Variants in TMCC1 observed in about 807,000 individuals in gnomAD.
TMCC1 encodes the protein transmembrane and coiled-coil domains protein 1.
A neutral mutation model predicts 52.4 loss-of-function variants in TMCC1; 15 were observed. That is an observed-to-expected ratio of 0.29 (90% confidence interval 0.19 to 0.44). TMCC1 has a LOEUF of 0.44. Ranked by LOEUF, TMCC1 falls within the 20% of genes least tolerant of loss-of-function variation. The probability of loss-of-function intolerance (pLI) is 1.00; values close to 1 mark genes in which losing one functional copy is unlikely to be tolerated. For missense variants in TMCC1, 503 were observed against 806.0 expected (o/e 0.62, Z 4.55); for synonymous variants, 279 against 301.9 (o/e 0.92, Z 0.79).
chr3:129,733,745 C>T (rs1446255545), intron 4 of TMCC1, among the ~76,000 whole-genome samples: 1 of 152,098 alleles, frequency 6.6e-6, no homozygotes, highest in Admixed American at 6.6e-5. Context: ...AGCCTACCAA[C>T]CTGTTTGTAT....
chr3:129,839,489 G>A (rs1195566801), intron 2 of TMCC1, among the ~76,000 whole-genome samples: 3 of 152,084 alleles, frequency 2.0e-5, no homozygotes, highest in African/African-American at 2.4e-5. Flanking sequence ...CCACACAGGC[G>A]CATGCCTATA....
intron 1 of TMCC1, among the ~76,000 whole-genome samples, chr3:129,887,363 G>A (rs746743166): frequency 2.4e-4 from 37 of 152,048 alleles, no homozygotes; most frequent in Admixed American, 5.9e-4. Flanking sequence ...CCAACATGGG[G>A]GAATCCCGTC....
intron 2 of TMCC1, among the ~76,000 whole-genome samples, chr3:129,846,329 G>A (rs2059662773): frequency 6.6e-6 from 1 of 152,070 alleles, no homozygotes. Flanking sequence ...GAGGCTGCAG[G>A]GAGCTATTAT....
At chr3:129,860,114 C>T (rs934293750) in intron 2 of TMCC1, among the ~76,000 whole-genome samples, 5 of 152,260 alleles carry the variant, frequency 3.3e-5, no homozygotes, top group African/African-American at 4.8e-5. Flanking sequence ...TATGTTAAAG[C>T]GTTCAATATT....
chr3:129,795,551 A>G (rs1332242913), intron 4 of TMCC1, among the ~76,000 whole-genome samples: 1 of 152,202 alleles, frequency 6.6e-6, no homozygotes, highest in Non-Finnish European at 1.5e-5. Flanking sequence ...TGAACCTACT[A>G]TGTGCAGTCA....
At chr3:129,876,713 T>G (rs188699716) in intron 2 of TMCC1, among the ~76,000 whole-genome samples, 158 of 152,104 alleles carry the variant, frequency 1.0e-3, no homozygotes, top group African/African-American at 3.4e-3. Flanking sequence ...CCAGCACTTT[T>G]GGAGGCTGAG....
At chr3:129,680,469 G>A (rs2088870135) in intron 4 of TMCC1, among the ~76,000 whole-genome samples, 1 of 152,192 alleles carries the variant, frequency 6.6e-6, no homozygotes, top group Non-Finnish European at 1.5e-5. Flanking sequence ...AGGTCACATA[G>A]CCAATAAGCA....
At chr3:129,708,355 A>G (rs1254732920) in intron 4 of TMCC1, among the ~76,000 whole-genome samples, 1 of 152,202 alleles carries the variant, frequency 6.6e-6, no homozygotes, top group South Asian at 2.1e-4. Flanking sequence ...ACTGCAATGT[A>G]ACAAGAGCTT....
At chr3:129,872,130 G>A (rs2060960008) in intron 2 of TMCC1, among the ~76,000 whole-genome samples, 1 of 152,220 alleles carries the variant, frequency 6.6e-6, no homozygotes, top group Non-Finnish European at 1.5e-5. Flanking sequence ...AACAGCAAAA[G>A]TGCTAGCCAC....
chr3:129,890,744 G>A (rs557174001), intron 1 of TMCC1, among the ~76,000 whole-genome samples: 2 of 152,086 alleles, frequency 1.3e-5, no homozygotes, highest in African/African-American at 4.8e-5. Flanking sequence ...TTTCATATTC[G>A]TAAGAATTTT....
At chr3:129,811,744 G>A (rs1043694622) in intron 4 of TMCC1, among the ~76,000 whole-genome samples, 1 of 151,858 alleles carries the variant, frequency 6.6e-6, no homozygotes, top group Admixed American at 6.6e-5. Context: ...AGGGGTTCGA[G>A]CCCAGCCTGG....
intron 4 of TMCC1, chr3:129,688,696 G>A (rs2108942819): frequency 6.1e-6 from 6 of 985,444 alleles, no homozygotes; most frequent in South Asian, 4.7e-5. Flanking sequence ...CCGTGTGTGT[G>A]CGCGCGCACG....
At chr3:129,742,439 C>T (rs1576651766) in intron 4 of TMCC1, among the ~76,000 whole-genome samples, 1 of 152,048 alleles carries the variant, frequency 6.6e-6, no homozygotes. Flanking sequence ...AAGATGATTA[C>T]AAATGGCCAA....
intron 2 of TMCC1, among the ~76,000 whole-genome samples, chr3:129,855,636 C>G (rs2060117490): frequency 6.6e-6 from 1 of 152,128 alleles, no homozygotes. Flanking sequence ...TCACAAAATT[C>G]TTGGATAGCT....
rs547769529 is a variant in TMCC1 at position 129,799,626 on chromosome 3, C to T, written c.576+28177G>A. Among the ~76,000 whole-genome samples, 6 of 152,102 alleles carry T rather than the reference C, an allele frequency of 3.9e-5. No homozygotes were observed. In the East Asian group the frequency reaches 5.8e-4, roughly 15 times the overall value. On this transcript the variant is annotated intron_variant, in intron 4 of 6. Coordinates refer to ENST00000393238, the MANE Select transcript of TMCC1 (RefSeq NM_001017395.5). ...GAGATCGAGACCATCCTGGCTAAAA[C>T]GGTGAAACCTCATCTCTACTAAAAA... is the stretch of plus-strand genomic sequence containing the variant.
At chr3:129,773,980 C>G (rs944731550) in intron 4 of TMCC1, among the ~76,000 whole-genome samples, 1 of 152,056 alleles carries the variant, frequency 6.6e-6, no homozygotes, top group Non-Finnish European at 1.5e-5. Flanking sequence ...TATTGTATAC[C>G]TTAAAGACAA....
intron 4 of TMCC1, among the ~76,000 whole-genome samples, chr3:129,748,304 T>C (rs1467325689): frequency 2.0e-5 from 3 of 152,168 alleles, no homozygotes; most frequent in African/African-American, 4.8e-5. Context: ...GTTGTTGTTG[T>C]TGTTTTGAGA....
chr3:129,797,394 C>T (rs1357034087), intron 4 of TMCC1, among the ~76,000 whole-genome samples: 5 of 151,364 alleles, frequency 3.3e-5, no homozygotes, highest in Non-Finnish European at 5.9e-5. Context: ...CAAATTCAAA[C>T]AAATAATAGG....
intron 4 of TMCC1, among the ~76,000 whole-genome samples, chr3:129,718,688 A>G (rs2049301599): frequency 6.6e-6 from 1 of 152,262 alleles, no homozygotes; most frequent in Non-Finnish European, 1.5e-5. Flanking sequence ...ATGTAAATAC[A>G]GTACTGTAAA....
Sources: allele counts gnomAD v4.1 joint callset (sites outside exome capture counted in the v4.1 genomes callset), GRCh38; gene constraint gnomAD v4.1.1; transcripts MANE v1.5; gene names NCBI Gene and HGNC (gene_info 2026-07-23, HGNC 2026-07-21).